ESRRG: variants seen among roughly 807,000 people sequenced by gnomAD.
ESRRG encodes the protein estrogen related receptor gamma, also known as estrogen-related receptor gamma.
A neutral mutation model predicts 44.0 loss-of-function variants in ESRRG; 13 were observed. The observed-to-expected ratio is 0.30, with a 90% confidence interval of 0.19 to 0.47. ESRRG has a LOEUF of 0.47. Among genes scored for constraint, ESRRG ranks in the 20% least tolerant of loss-of-function variants. ESRRG has a pLI of 1.00. For missense variants in ESRRG, 395 were observed against 580.6 expected, an observed-to-expected ratio of 0.68 and a Z score of 3.29; for synonymous variants, 215 against 214.6, an observed-to-expected ratio of 1.00 and a Z score of -0.02.
At chr1:216,658,867 AG>A (rs1416723109) in intron 2 of ESRRG, among the ~76,000 whole-genome samples, 2 of 75,272 alleles carry the variant, frequency 2.7e-5, no homozygotes, top group African/African-American at 8.1e-5. Flanking sequence ...AGAGAAGAGA[AG>A]AGAAGAGAAG....
chr1:216,667,426 C>G (rs1322311531), intron 2 of ESRRG, among the ~76,000 whole-genome samples: 1 of 152,018 alleles, frequency 6.6e-6, no homozygotes, highest in Non-Finnish European at 1.5e-5. Context: ...TGGCTCATGC[C>G]TGTAATCCCA....
chr1:216,552,180 T>C (rs2056522562), intron 5 of ESRRG, among the ~76,000 whole-genome samples: 1 of 152,128 alleles, frequency 6.6e-6, no homozygotes, highest in African/African-American at 2.4e-5. Context: ...CTTCAAGAAA[T>C]ATATTGTCCA....
intron 1 of ESRRG, among the ~76,000 whole-genome samples, chr1:216,942,542 T>C (rs1174228273): frequency 6.6e-6 from 1 of 152,162 alleles, no homozygotes; most frequent in Non-Finnish European, 1.5e-5. Flanking sequence ...TAGTTATAAA[T>C]GTTTCCTTTT....
intron 1 of ESRRG, among the ~76,000 whole-genome samples, chr1:216,950,797 C>T (rs1042735990): frequency 7.9e-5 from 12 of 152,252 alleles, no homozygotes; most frequent in Admixed American, 6.5e-4. Context: ...AGTTGTATCC[C>T]TGTTCTGAAA....
chr1:216,605,201 T>C (rs10157018), intron 3 of ESRRG, among the ~76,000 whole-genome samples: 151,366 of 152,334 alleles, frequency 0.99, 75,207 homozygotes, highest in East Asian at 1. Flanking sequence ...TATATGAAAA[T>C]AGTACTATGG....
At chr1:217,135,736 A>G (rs979049892) in intron 1 of ESRRG, among the ~76,000 whole-genome samples, 7 of 151,794 alleles carry the variant, frequency 4.6e-5, no homozygotes, top group African/African-American at 1.4e-4. Context: ...CAGAAATAAA[A>G]CAAAACAAAT....
chr1:217,021,101 C>T (rs898051378), intron 1 of ESRRG, among the ~76,000 whole-genome samples: 12 of 149,190 alleles, frequency 8.0e-5, no homozygotes, highest in Non-Finnish European at 1.8e-4. Flanking sequence ...GATACACTCA[C>T]TCACTCACAC....
At chr1:216,925,886 G>A (rs947865187) in intron 2 of ESRRG, among the ~76,000 whole-genome samples, 1 of 151,940 alleles carries the variant, frequency 6.6e-6, no homozygotes, top group South Asian at 2.1e-4. Flanking sequence ...GGGGGTGGAG[G>A]TTGCAGTGAG....
At chr1:216,631,884 G>A (rs907285486) in intron 3 of ESRRG, among the ~76,000 whole-genome samples, 2 of 152,100 alleles carry the variant, frequency 1.3e-5, no homozygotes, top group African/African-American at 4.8e-5. Context: ...AGTGGAAGAG[G>A]TGGGACAAGG....
intron 1 of ESRRG, among the ~76,000 whole-genome samples, chr1:217,103,732 A>C (rs1431961167): frequency 6.6e-6 from 1 of 152,154 alleles, no homozygotes; most frequent in African/African-American, 2.4e-5. Flanking sequence ...TACTTATGTT[A>C]ATGAATAGAA....
intron 3 of ESRRG, among the ~76,000 whole-genome samples, chr1:216,642,525 G>A (rs1305414630): frequency 6.6e-6 from 1 of 151,956 alleles, no homozygotes; most frequent in Non-Finnish European, 1.5e-5. Flanking sequence ...GGTGCTCTTC[G>A]CTATTGCTTA....
chr1:216,958,272 T>G (rs1016439187), intron 1 of ESRRG, among the ~76,000 whole-genome samples: 5 of 152,332 alleles, frequency 3.3e-5, no homozygotes, highest in African/African-American at 1.2e-4. Context: ...CTTATCCTTT[T>G]GTTGTTCTTG....
intron 1 of ESRRG, among the ~76,000 whole-genome samples, chr1:216,722,796 A>G (rs969858489): frequency 1.3e-4 from 20 of 152,224 alleles, no homozygotes; most frequent in African/African-American, 4.8e-4. Flanking sequence ...TCTGCGCGGT[A>G]AGAAATGACA....
At chr1:216,806,064 T>C (rs943018872) in intron 2 of ESRRG, among the ~76,000 whole-genome samples, 7 of 152,204 alleles carry the variant, frequency 4.6e-5, no homozygotes, top group Non-Finnish European at 7.3e-5. Context: ...CACTTCAGAC[T>C]ACTGTTAACA....
At chr1:217,035,036 G>T (rs1313985699) in intron 1 of ESRRG, among the ~76,000 whole-genome samples, 1 of 152,172 alleles carries the variant, frequency 6.6e-6, no homozygotes, top group Non-Finnish European at 1.5e-5. Flanking sequence ...ACAAGATAGA[G>T]CAGGCTAGTC....
intron 1 of ESRRG, among the ~76,000 whole-genome samples, chr1:216,686,820 G>A (rs2078069538): frequency 6.6e-6 from 1 of 152,132 alleles, no homozygotes; most frequent in Non-Finnish European, 1.5e-5. Context: ...TATAAAATGA[G>A]AGCATTTGCC....
chr1:216,926,086 C>T (rs2062527282), intron 2 of ESRRG, among the ~76,000 whole-genome samples: 1 of 152,316 alleles, frequency 6.6e-6, no homozygotes, highest in South Asian at 2.1e-4. Flanking sequence ...TACAGATCTG[C>T]AAGCAAAACG....
chr1:216,793,287 C>T (rs2094376975), intron 2 of ESRRG, among the ~76,000 whole-genome samples: 2 of 152,138 alleles, frequency 1.3e-5, no homozygotes, highest in Admixed American at 1.3e-4. Context: ...TTTGCATAGG[C>T]CCCTCCAAAG....
intron 2 of ESRRG, among the ~76,000 whole-genome samples, chr1:216,744,676 CTGGCAATACATGCTGTGTTACCTATGAG>C (rs1463464211): frequency 2.6e-5 from 4 of 152,168 alleles, no homozygotes; most frequent in African/African-American, 9.7e-5. Flanking sequence ...ATCTTTATTC[CTGGCAATACATGCTGTGTTACCTATGAG>C]TAGTCTCTTT....
Sources: allele counts gnomAD v4.1 joint callset (sites outside exome capture counted in the v4.1 genomes callset), GRCh38; gene constraint gnomAD v4.1.1; transcripts MANE v1.5; gene names NCBI Gene and HGNC (gene_info 2026-07-23, HGNC 2026-07-21).